Variants in RFWD3 observed in about 807,000 individuals in gnomAD.
RFWD3 encodes ring finger and WD repeat domain 3.
In RFWD3, 65 loss-of-function variants were observed where a neutral mutation model predicts 87.7. The ratio of observed to expected loss-of-function variants is 0.74; its 90% CI spans 0.61 to 0.91. The LOEUF (loss-of-function observed/expected upper bound fraction) is 0.91. RFWD3 is among the 40% of genes least tolerant of loss of function. The pLI is 0.00. For synonymous variants in RFWD3, 433 were observed against 352.8 expected (o/e 1.23, Z -2.55); for missense variants, 1,078 against 938.5 (o/e 1.15, Z -1.94).
rs1597408998 is a variant in RFWD3, at chr16:74,628,518, G to A, written c.1903C>T (p.Pro635Ser). ...SHWPHVLPLEPGGCIDFQTEN... is the reference protein window; with the variant it reads ...SHWPHVLPLESGGCIDFQTEN... ...GTCTGAAAGTCTATGCAGCCCCCTG[G>A]CTCCAAGGGCAGCACATGAGGCCAA... The change falls in exon 11 of 13, where the codon CCA (proline) becomes TCA (serine). Residue 635 changes from proline to serine, a missense_variant. By Grantham distance (74) the Pro-to-Ser change is moderately conservative. Coordinates refer to ENST00000361070, the MANE Select transcript of RFWD3 (RefSeq NM_018124.4). 5.6e-6 allele frequency: 9 copies of A among 1,614,120 alleles called. No individual in the cohort carries two copies. The highest frequency in any genetic ancestry group is 4.0e-5 in the African/African-American group (3 of 75,008).
chr16:74,626,483 T>A lies in RFWD3; in HGVS notation c.2041A>T (p.Ile681Phe). ...SYRLDDTGNPICSCQPVHTFF... is the reference protein window; with the variant it reads ...SYRLDDTGNPFCSCQPVHTFF... ...GTATGTACAGGCTGGCAGGAGCAGA[T>A]TGGATTTCCAGTGTCATCCAGTCGG... is the stretch of plus-strand genomic sequence containing the variant. The change falls in exon 12 of 13, where the codon ATC becomes TTC. Residue 681 changes from isoleucine (I) to phenylalanine (F), a missense_variant. Physicochemically the swap from Ile to Phe is conservative, Grantham distance 21. Coordinates refer to ENST00000361070, the MANE Select transcript of RFWD3 (RefSeq NM_018124.4). 1 of 1,614,152 alleles carries A rather than the reference T, an allele frequency of 6.2e-7. No homozygotes were observed. Among genetic ancestry groups the A allele is most frequent in the Non-Finnish European group, 8.5e-7 (1 of 1,180,018 alleles).
At chr16:74,657,514 G>A (rs553076122) in intron 2 of RFWD3, among the ~76,000 whole-genome samples, 11 of 143,384 alleles carry the variant, frequency 7.7e-5, no homozygotes, top group South Asian at 4.4e-4. Context: ...CTCGCTCTGC[G>A]GCCCAGGCTG....
chr16:74,629,902 T>A (rs1282742421), intron 10 of RFWD3, among the ~76,000 whole-genome samples: 1 of 152,108 alleles, frequency 6.6e-6, no homozygotes, highest in African/African-American at 2.4e-5. Context: ...TAAGACAGAG[T>A]GGTGCTGGTG....
rs757554497 is a variant in RFWD3 at position 74,630,762 on chromosome 16, AGAGT to A, written c.1754+15_1754+18del. The A allele has an allele frequency of 7.6e-6, 12 of 1,572,858 alleles. No homozygotes were observed. The highest frequency in any genetic ancestry group is 5.7e-5 in the Admixed American group (3 of 52,824). On this transcript the variant is annotated intron_variant, in intron 10 of 12. Coordinates refer to ENST00000361070, the MANE Select transcript of RFWD3 (RefSeq NM_018124.4). ...AGAGAAAGCTGCTACCACCAGGAAA[AGAGT>A]GAGTGGCTCCCTACCTGGCTTTCTG...
intron 8 of RFWD3, among the ~76,000 whole-genome samples, chr16:74,633,907 A>AC (rs964111803): frequency 1.3e-5 from 2 of 149,202 alleles, no homozygotes; most frequent in African/African-American, 4.9e-5. Flanking sequence ...CTGAGATCAC[A>AC]CCCCTCCCTG....
chr16:74,651,842 A>T, intron 3 of RFWD3, 78 bp downstream of exon 3: 3 of 1,296,712 alleles, frequency 2.3e-6, no homozygotes, highest in Non-Finnish European at 3.3e-6. Context: ...TCAAAGCACA[A>T]ATCTAGTTTC....
chr16:74,661,023 T>C lies in RFWD3; in HGVS notation c.427A>G (p.Asn143Asp). 2 of 1,614,210 alleles carry C rather than the reference T, an allele frequency of 1.2e-6. No individual in the cohort carries two copies. The highest frequency in any genetic ancestry group is 1.7e-6 in the Non-Finnish European group (2 of 1,180,046). ...GTTCTCATTGGCCCTACACTGTGGT[T>C]TGAAGATGAAGGTCTCAGGAATTCC... ...MLEFLRPSSS[N>D]HSVGPMRTRR... is the part of the protein sequence containing the mutation. The change falls in exon 2 of 13, where the codon AAC becomes GAC. Residue 143 changes from asparagine to aspartate, a missense_variant. Coordinates refer to ENST00000361070, the MANE Select transcript of RFWD3 (RefSeq NM_018124.4).
chr16:74,647,085 C>CAA (rs1216676149), intron 4 of RFWD3, among the ~76,000 whole-genome samples: 4 of 124,978 alleles, frequency 3.2e-5, no homozygotes, highest in African/African-American at 5.8e-5. Context: ...ACACTCGTCT[C>CAA]AAAAAAAAAA....
chr16:74,637,144 A>AAG (rs1279594911), intron 7 of RFWD3, among the ~76,000 whole-genome samples: 3 of 149,982 alleles, frequency 2.0e-5, no homozygotes, highest in African/African-American at 7.4e-5. Flanking sequence ...AAAAAAAAAA[A>AAG]ACAACTTAAA....
At chr16:74,632,767 T>C in intron 8 of RFWD3, 94 bp from the exon 9 acceptor site, 3 of 1,172,594 alleles carry the variant, frequency 2.6e-6, no homozygotes, top group Non-Finnish European at 3.7e-6. Context: ...TCCACCTTTC[T>C]TGGCGTATAA....
Position 74,623,835 on chromosome 16 carries a change from T to G in RFWD3, c.*93A>C, listed in dbSNP as rs1054211000. 5.1e-6 allele frequency: 7 copies of G among 1,359,242 alleles called. No individual in the cohort carries two copies. The highest frequency in any genetic ancestry group is 7.2e-6 in the Non-Finnish European group (7 of 967,556). The allele number at this position is 1,359,242 out of a possible 1,614,324, so 84.2% of individuals were successfully genotyped here. A position where few individuals can be genotyped will look rare whatever the true frequency, so the allele number is the denominator to read the frequency against. ...AACCATGATTCCCAATGTTCTAGAC[T>G]GCAGACAATAAACAGGGATCTTGCT... On this transcript the variant is annotated 3_prime_UTR_variant, in exon 13 of 13. Transcript: ENST00000361070.
chr16:74,628,462 G>A lies in RFWD3; in HGVS notation c.1959C>T (p.Thr653=). 2.5e-6 allele frequency: 4 copies of A among 1,614,072 alleles called. No individual in the cohort carries two copies. The highest frequency in any genetic ancestry group is 3.4e-6 in the Non-Finnish European group (4 of 1,180,012). ...CCCAGCACTACTTACCAGGCCTGTA[G>A]GTCACAAGACAGTGCCGGGAGCTGT... ...TENSSRHCLV[T]YRPDKNHTTI... The change falls in exon 11 of 13, where the codon ACC becomes ACT. Residue 653 remains threonine, a synonymous_variant. Transcript: ENST00000361070.
chr16:74,663,078 G>A (rs375919519), intron 1 of RFWD3, among the ~76,000 whole-genome samples: 1 of 151,816 alleles, frequency 6.6e-6, no homozygotes, highest in African/African-American at 2.4e-5. Context: ...CTAATTTTTT[G>A]TATTTTTAGT....
At chr16:74,629,025 C>T (rs924732179) in intron 10 of RFWD3, among the ~76,000 whole-genome samples, 4 of 152,156 alleles carry the variant, frequency 2.6e-5, no homozygotes, top group Non-Finnish European at 2.9e-5. Flanking sequence ...AGCTTATATA[C>T]ATAACAAAAT....
intron 1 of RFWD3, among the ~76,000 whole-genome samples, chr16:74,663,653 G>C (rs1184544454): frequency 2.0e-5 from 3 of 152,104 alleles, no homozygotes; most frequent in African/African-American, 7.2e-5. Context: ...ATTTTTTTAA[G>C]AAAGGATAAA....
At position 74,644,704 on chromosome 16, in the gene RFWD3, G is replaced by A; in HGVS notation, c.824C>T (p.Pro275Leu). The A allele has an allele frequency of 3.7e-6, 6 of 1,614,154 alleles. No individual in the cohort carries two copies. The highest frequency in any genetic ancestry group is 1.1e-5 in the South Asian group (1 of 91,090). The stretch of plus-strand genomic sequence containing the variant: ...TTCTTCCTCATCCATAGAAGCAGAA[G>A]GTAGCAGAGGCTCAGACTTCTGGGG... Reference protein sequence around the residue: ...PSPQKSEPLLPSASMDEEEGD... With the variant: ...PSPQKSEPLLLSASMDEEEGD... The change falls in exon 5 of 13, where the codon CCT becomes CTT. Residue 275 changes from proline to leucine, a missense_variant. By Grantham distance (98) the Pro-to-Leu change is moderately conservative. Coordinates refer to ENST00000361070, the MANE Select transcript of RFWD3 (RefSeq NM_018124.4).
intron 1 of RFWD3, among the ~76,000 whole-genome samples, chr16:74,665,849 C>G (rs577634840): frequency 2.0e-5 from 3 of 151,962 alleles, no homozygotes; most frequent in East Asian, 3.9e-4. Flanking sequence ...CGGGTTCAAG[C>G]GATTCTCCTG....
At chr16:74,626,914 C>G (rs1375852143) in intron 11 of RFWD3, among the ~76,000 whole-genome samples, 1 of 152,152 alleles carries the variant, frequency 6.6e-6, no homozygotes. Flanking sequence ...TTTTTCCCTT[C>G]CCCCAGTGAG....
Position 74,666,841 on chromosome 16 carries a change from C to CGCCCGCCGAAGA in RFWD3, c.-59_-58insTCTTCGGCGGGC, listed in dbSNP as rs1567592440. The CGCCCGCCGAAGA allele has an allele frequency of 6.6e-6, 1 of 152,298 alleles. No homozygotes were observed. The highest frequency in any genetic ancestry group is 2.4e-5 in the African/African-American group (1 of 41,416). 9.4% of individuals were successfully genotyped at this position (152,298 alleles called of 1,614,324 possible). A position where few individuals can be genotyped will look rare whatever the true frequency, so the allele number is the denominator to read the frequency against. ...GAGCCCGCCGAAGACTCGGTAGTTA[C>CGCCCGCCGAAGA]CTCGGCCGCACTCCGAATGCACCTA... On this transcript the variant is annotated 5_prime_UTR_variant, in exon 1 of 13. Transcript: ENST00000361070.
Sources: gnomAD v4.1 joint callset for allele counts (sites outside exome capture counted in the v4.1 genomes callset) on GRCh38, gnomAD v4.1.1 for gene constraint, MANE v1.5 for transcripts, NCBI Gene and HGNC (gene_info 2026-07-23, HGNC 2026-07-21) for gene names.